Variants in KIF6 observed in about 807,000 individuals in gnomAD.
The protein encoded by KIF6 is kinesin family member 6.
In KIF6, 106 loss-of-function variants were observed where a neutral mutation model predicts 112.7. That is an observed-to-expected ratio of 0.94 (90% CI 0.80 to 1.11). The LOEUF (loss-of-function observed/expected upper bound fraction) is 1.11. Among genes scored for constraint, KIF6 ranks in the 50% least tolerant of loss-of-function variants. The probability of loss-of-function intolerance (pLI) is 0.00; values close to 1 mark genes in which losing one functional copy is unlikely to be tolerated. For synonymous variants in KIF6, 339 were observed against 339.9 expected (o/e 1.00, Z 0.03); for missense variants, 929 against 964.0 (o/e 0.96, Z 0.48).
At chr6:39,482,830 C>A (rs77966025) in intron 13 of KIF6, among the ~76,000 whole-genome samples, 4 of 152,242 alleles carry the variant, frequency 2.6e-5, no homozygotes, top group South Asian at 4.1e-4. Context: ...CCAAGGGCTC[C>A]GGGTACGAGG....
chr6:39,404,206 G>C (rs141983637), intron 15 of KIF6, among the ~76,000 whole-genome samples: 5 of 151,918 alleles, frequency 3.3e-5, no homozygotes, highest in Admixed American at 3.3e-4. Flanking sequence ...TAATTTTATT[G>C]GTTGTACTTT....
At chr6:39,385,491 TA>T (rs1767336442) in intron 16 of KIF6, 130 bp downstream of exon 16, 1 of 736,398 alleles carries the variant, frequency 1.4e-6, no homozygotes, top group Non-Finnish European at 2.4e-6. Context: ...GCTGTGTGGA[TA>T]GCAACCCTTG....
chr6:39,347,159 A>C (rs797003285), intron 19 of KIF6, among the ~76,000 whole-genome samples: 3 of 152,348 alleles, frequency 2.0e-5, no homozygotes, highest in African/African-American at 7.2e-5. Flanking sequence ...CAGATTAAAG[A>C]AATTCTAAAG....
intron 19 of KIF6, among the ~76,000 whole-genome samples, chr6:39,347,965 G>A (rs1003199805): frequency 5.3e-5 from 8 of 152,254 alleles, no homozygotes; most frequent in Non-Finnish European, 7.3e-5. Flanking sequence ...GGAAAGCAGA[G>A]ATCCCTGTGC....
At chr6:39,344,096 G>A (rs550741472) in intron 21 of KIF6, among the ~76,000 whole-genome samples, 3 of 152,210 alleles carry the variant, frequency 2.0e-5, no homozygotes, top group East Asian at 1.9e-4. Context: ...TAATTTCCAC[G>A]TGTTGTGGGA....
chr6:39,428,937 G>C (rs1354308115), intron 14 of KIF6, among the ~76,000 whole-genome samples: 1 of 152,194 alleles, frequency 6.6e-6, no homozygotes, highest in Non-Finnish European at 1.5e-5. Context: ...AATAGCCAAG[G>C]CTGCTCACAG....
At chr6:39,379,162 A>G (rs1766709182) in intron 16 of KIF6, among the ~76,000 whole-genome samples, 1 of 152,244 alleles carries the variant, frequency 6.6e-6, no homozygotes, top group Non-Finnish European at 1.5e-5. Flanking sequence ...TCCTGCTGTC[A>G]GAAAATGAAA....
At position 39,558,777 on chromosome 6, in the gene KIF6, G is replaced by A. The variant is rs1362788441; in HGVS notation, c.1182-13089C>T. 2.0e-5 allele frequency among the ~76,000 whole-genome samples: 3 copies of A among 152,118 alleles called. No individual in the cohort carries two copies. The East Asian group carries it at 5.8e-4, about 29-fold the overall frequency. ...CATATCAGCCATAGTCCAACAAATG[G>A]AATTGCCATTTATGCCTCATCCTTT... is the stretch of plus-strand genomic sequence containing the variant. On this transcript the variant is annotated intron_variant, in intron 10 of 22. Coordinates refer to ENST00000287152, the MANE Select transcript of KIF6 (RefSeq NM_145027.6).
intron 2 of KIF6, among the ~76,000 whole-genome samples, chr6:39,720,353 C>T (rs1790136883): frequency 6.6e-6 from 1 of 152,040 alleles, no homozygotes; most frequent in African/African-American, 2.4e-5. Flanking sequence ...CTATGTAGCA[C>T]ACAAATGATA....
intron 6 of KIF6, among the ~76,000 whole-genome samples, chr6:39,607,675 C>T (rs113970484): frequency 0.022 from 3,309 of 152,212 alleles, 116 homozygotes; most frequent in African/African-American, 0.076. Flanking sequence ...ATCCTCCTGC[C>T]TCAGCCTTCT....
intron 10 of KIF6, among the ~76,000 whole-genome samples, chr6:39,568,743 G>C (rs1451666294): frequency 2.0e-5 from 3 of 151,850 alleles, no homozygotes; most frequent in Non-Finnish European, 4.4e-5. Context: ...TAGAGATGGG[G>C]TTTCACCATG....
intron 3 of KIF6, among the ~76,000 whole-genome samples, chr6:39,694,398 G>A (rs911632084): frequency 1.3e-5 from 2 of 152,148 alleles, no homozygotes; most frequent in African/African-American, 4.8e-5. Context: ...CTGATGATAT[G>A]TTTCTATACC....
chr6:39,426,926 G>T (rs1403423769), intron 14 of KIF6, among the ~76,000 whole-genome samples: 1 of 152,160 alleles, frequency 6.6e-6, no homozygotes, highest in African/African-American at 2.4e-5. Context: ...GGGTAGAGAG[G>T]CTGAACTCAT....
At chr6:39,539,645 G>A (rs1043943520) in intron 13 of KIF6, among the ~76,000 whole-genome samples, 1 of 152,104 alleles carries the variant, frequency 6.6e-6, no homozygotes, top group African/African-American at 2.4e-5. Flanking sequence ...GCCTGGCCTG[G>A]TAATATTTTT....
chr6:39,478,829 G>C (rs1774615386), intron 13 of KIF6, among the ~76,000 whole-genome samples: 1 of 150,516 alleles, frequency 6.6e-6, no homozygotes, highest in Non-Finnish European at 1.5e-5. Flanking sequence ...ATTGTGGTTT[G>C]ATCTGCATTT....
chr6:39,672,273 C>T (rs188373254), intron 3 of KIF6, among the ~76,000 whole-genome samples: 47 of 152,222 alleles, frequency 3.1e-4, no homozygotes, highest in Admixed American at 5.9e-4. Flanking sequence ...TGAGCCACCA[C>T]GCCCAGCTAG....
intron 22 of KIF6, among the ~76,000 whole-genome samples, chr6:39,339,015 C>T (rs1387343691): frequency 6.6e-6 from 1 of 152,130 alleles, no homozygotes. Context: ...TGCCCCAAGA[C>T]ATAGCTCCTT....
intron 15 of KIF6, among the ~76,000 whole-genome samples, chr6:39,399,878 C>T (rs1768556097): frequency 6.6e-6 from 1 of 152,232 alleles, no homozygotes; most frequent in Admixed American, 6.5e-5. Context: ...ATCGCCAGGG[C>T]CACAGGGTCT....
intron 13 of KIF6, among the ~76,000 whole-genome samples, chr6:39,515,954 C>T (rs1460259473): frequency 6.6e-6 from 1 of 152,154 alleles, no homozygotes; most frequent in South Asian, 2.1e-4. Context: ...AATAATAGTA[C>T]CTAATCTGAA....
Sources: allele counts gnomAD v4.1 joint callset (sites outside exome capture counted in the v4.1 genomes callset), GRCh38; gene constraint gnomAD v4.1.1; transcripts MANE v1.5; gene names NCBI Gene and HGNC (gene_info 2026-07-23, HGNC 2026-07-21).